The following EBLN1 variants were observed in gnomAD, a reference collection of about 807,000 sequenced individuals.
EBLN1 encodes the protein endogenous Bornavirus like nucleoprotein 1, also known as endogenous Bornavirus-like nucleoprotein 1.
Under a neutral mutation model 0.8 loss-of-function variants are expected in EBLN1, and 1 was observed. The ratio of observed to expected loss-of-function variants is 1.32; its 90% CI spans 0.47 to 6.26. The LOEUF (loss-of-function observed/expected upper bound fraction) is 6.26, where lower values mean the gene tolerates loss of function less well. Among genes scored for constraint, EBLN1 ranks in the 30% most tolerant of loss-of-function variants. The probability of loss-of-function intolerance (pLI) is 0.15; values close to 1 mark genes in which losing one functional copy is unlikely to be tolerated. For missense variants in EBLN1, 396 were observed against 447.9 expected (o/e 0.88, Z 1.05); for synonymous variants, 158 against 158.5 (o/e 1.00, Z 0.02).
rs1834720327 is a variant in EBLN1 at position 22,209,114 on chromosome 10, A to G, written c.870T>C (p.Ile290=). 1.3e-6 allele frequency: 2 copies of G among 1,536,366 alleles called. No individual in the cohort carries two copies. Among genetic ancestry groups the G allele is most frequent in the East Asian group, 2.4e-5 (1 of 40,924 alleles). The part of the protein sequence containing the change: ...EFGGVLRHPV[I]GVLSPQMFPN... ...GGAACATTTGTGGTGATAGCACCCCAATAACAGGGTGGCGAAGTACACCCC... is the reference window on the plus strand; with the variant it reads ...GGAACATTTGTGGTGATAGCACCCCGATAACAGGGTGGCGAAGTACACCCC... Residue 290 remains isoleucine (I), a synonymous_variant, in exon 3 of 3, where the codon ATT becomes ATC. Transcript: ENST00000422359.
chr10:22,214,287 T>A (rs1327342224), intron 1 of EBLN1, among the ~76,000 whole-genome samples: 2 of 150,362 alleles, frequency 1.3e-5, no homozygotes, highest in African/African-American at 2.5e-5. Context: ...GATTTTTGAT[T>A]TTTTGTTTTA....
chr10:22,210,544 T>G (rs945842033), intron 2 of EBLN1, among the ~76,000 whole-genome samples: 5 of 152,230 alleles, frequency 3.3e-5, no homozygotes, highest in African/African-American at 7.2e-5. Flanking sequence ...AGCCTTTTTG[T>G]GTAGCTTCTT....
In EBLN1 at chr10:22,208,910, G is replaced by C. The variant is rs57562594; in HGVS notation, c.1074C>G (p.Arg358=). The change falls in exon 3 of 3, where the codon CGC becomes CGG. Residue 358 remains arginine (R), a synonymous_variant. Coordinates refer to ENST00000422359, the MANE Select transcript of EBLN1 (RefSeq NM_001394757.1). ...ATTCAAATCCCGAAATCCCATAACCGCGAAGGATGTTAAGTGTATATGGAT... is the reference window on the plus strand; with the variant it reads ...ATTCAAATCCCGAAATCCCATAACCCCGAAGGATGTTAAGTGTATATGGAT... ...DMDPYTLNIL[R]GYGISGFE 3 of 1,531,318 alleles carry C rather than the reference G, an allele frequency of 2.0e-6. No individual in the cohort carries two copies. The highest frequency in any genetic ancestry group is 2.7e-5 in the African/African-American group (2 of 72,842). 94.9% of individuals were successfully genotyped at this position (1,531,318 alleles called of 1,614,324 possible).
At position 22,212,908 on chromosome 10, in the gene EBLN1, A is replaced by C. The variant is rs1834765856; in HGVS notation, c.-111T>G. ...CTTGACTCCAGGAGCTCAGAGGTGC[A>C]GTGAGCTATGATCATACCACTGCAC... On this transcript the variant is annotated 5_prime_UTR_variant, in exon 2 of 3. Coordinates refer to ENST00000422359, the MANE Select transcript of EBLN1 (RefSeq NM_001394757.1). Among the ~76,000 whole-genome samples the C allele has an allele frequency of 6.6e-6, 1 of 151,328 alleles. No homozygotes were observed. The highest frequency in any genetic ancestry group is 2.4e-5 in the African/African-American group (1 of 41,120).
Position 22,209,110 on chromosome 10 carries a change from C to G in EBLN1, c.874G>C (p.Val292Leu). Residue 292 changes from valine (V) to leucine (L), a missense_variant, in exon 3 of 3, where the codon GTG becomes CTG. Val to Leu is a conservative substitution (Grantham distance 32). Coordinates refer to ENST00000422359, the MANE Select transcript of EBLN1 (RefSeq NM_001394757.1). Reference protein sequence around the residue: ...GGVLRHPVIGVLSPQMFPNLA... With the variant: ...GGVLRHPVIGLLSPQMFPNLA... ...TTTGGGAACATTTGTGGTGATAGCA[C>G]CCCAATAACAGGGTGGCGAAGTACA... 6.5e-7 allele frequency: 1 copy of G among 1,536,366 alleles called. No individual in the cohort carries two copies. Among genetic ancestry groups the G allele is most frequent in the Non-Finnish European group, 8.7e-7 (1 of 1,146,908 alleles).
At chr10:22,217,219 G>A (rs554948645) in intron 1 of EBLN1, among the ~76,000 whole-genome samples, 18 of 152,290 alleles carry the variant, frequency 1.2e-4, no homozygotes, top group Admixed American at 1.0e-3. Flanking sequence ...TTCGCCTCCT[G>A]GGTTCAAGTG....
At chr10:22,217,156 C>T (rs1385503387) in intron 1 of EBLN1, among the ~76,000 whole-genome samples, 3 of 152,134 alleles carry the variant, frequency 2.0e-5, no homozygotes, top group Admixed American at 1.3e-4. Context: ...GACGGAGTCT[C>T]GCTCTGTTGT....
chr10:22,214,822 C>T (rs1427664747), intron 1 of EBLN1, among the ~76,000 whole-genome samples: 1 of 152,088 alleles, frequency 6.6e-6, no homozygotes, highest in East Asian at 1.9e-4. Context: ...ATGTGTCCAC[C>T]CCAAAACCTG....
In EBLN1 at chr10:22,209,772, T is replaced by A. The variant is rs1302274867; in HGVS notation, c.212A>T (p.His71Leu). 1.3e-6 allele frequency: 2 copies of A among 1,535,778 alleles called. No individual in the cohort carries two copies. Among genetic ancestry groups the A allele is most frequent in the Non-Finnish European group, 1.7e-6 (2 of 1,146,870 alleles). ...KSMLDPAQRS[H>L]FYLVTPSLVF... ...TAAGCTTGGGGTTACAAGGTAAAAA[T>A]GAGATCTCTGTGCTGGGTCTAGCAT... is the stretch of plus-strand genomic sequence containing the variant. Residue 71 changes from histidine (H) to leucine (L), a missense_variant, in exon 3 of 3, where the codon CAT becomes CTT. Transcript: ENST00000422359.
Position 22,210,022 on chromosome 10 carries a change from A to T in EBLN1, c.-39T>A, listed in dbSNP as rs1834735969. On this transcript the variant is annotated 5_prime_UTR_variant, in exon 3 of 3. Coordinates refer to ENST00000422359, the MANE Select transcript of EBLN1 (RefSeq NM_001394757.1). ...TTCTGTGATTTTCACACAATTTTGT[A>T]CTGTACTAAAAAAATATAGAGAATG... 1.5e-6 allele frequency: 2 copies of T among 1,352,304 alleles called. No individual in the cohort carries two copies. Among genetic ancestry groups the T allele is most frequent in the Non-Finnish European group, 1.9e-6 (2 of 1,055,870 alleles). The allele number at this position is 1,352,304 out of a possible 1,614,324, so 83.8% of individuals were successfully genotyped here. A position where few individuals can be genotyped will look rare whatever the true frequency, so the allele number is the denominator to read the frequency against.
Position 22,218,008 on chromosome 10 carries a change from GAAAGAGC to G in EBLN1, c.-268_-262del, listed in dbSNP as rs148003967. The G allele has an allele frequency of 3.3e-5, 5 of 152,378 alleles. No individual in the cohort carries two copies. Among genetic ancestry groups the G allele is most frequent in the Non-Finnish European group, 7.3e-5 (5 of 68,082 alleles). The allele number at this position is 152,378 out of a possible 1,614,324, so 9.4% of individuals were successfully genotyped here. A position where few individuals can be genotyped will look rare whatever the true frequency, so the allele number is the denominator to read the frequency against. On this transcript the variant is annotated 5_prime_UTR_variant, in exon 1 of 3. Coordinates refer to ENST00000422359, the MANE Select transcript of EBLN1 (RefSeq NM_001394757.1). The stretch of plus-strand genomic sequence containing the variant: ...TCCTCACAGGGCAGCAGGACCTAGA[GAAAGAGC>G]AAGGACGAGGGGAACTGCCAGATGC...
At chr10:22,211,854 A>T (rs1834758095) in intron 2 of EBLN1, among the ~76,000 whole-genome samples, 1 of 152,006 alleles carries the variant, frequency 6.6e-6, no homozygotes, top group Admixed American at 6.6e-5. Flanking sequence ...TGAGCATGTG[A>T]GCTTTTCCCT....
rs1834735744 is a variant in EBLN1 at position 22,209,988 on chromosome 10, G to A, written c.-5C>T. ...GTTGTTTCTTGGGCGGGACATTGTGGGTGATTGTTTCTGTGATTTTCACAC... is the reference window on the plus strand; with the variant it reads ...GTTGTTTCTTGGGCGGGACATTGTGAGTGATTGTTTCTGTGATTTTCACAC... On this transcript the variant is annotated 5_prime_UTR_variant, in exon 3 of 3. Transcript: ENST00000422359. 7.2e-7 allele frequency: 1 copy of A among 1,393,016 alleles called. No homozygotes were observed. The highest frequency in any genetic ancestry group is 9.3e-7 in the Non-Finnish European group (1 of 1,076,518). 86.3% of individuals were successfully genotyped at this position (1,393,016 alleles called of 1,614,324 possible). A position where few individuals can be genotyped will look rare whatever the true frequency, so the allele number is the denominator to read the frequency against.
At chr10:22,212,702 T>G (rs1483978024) in intron 2 of EBLN1, among the ~76,000 whole-genome samples, 140 bp downstream of exon 2, 2 of 151,840 alleles carry the variant, frequency 1.3e-5, no homozygotes, top group African/African-American at 4.8e-5. Flanking sequence ...TAATCTTAAG[T>G]GCTTCAGGAA....
chr10:22,212,725 G>A (rs1008002342), intron 2 of EBLN1, among the ~76,000 whole-genome samples, 117 bp downstream of exon 2: 11 of 151,676 alleles, frequency 7.3e-5, no homozygotes, highest in African/African-American at 2.7e-4. Context: ...TAAGGTGGGA[G>A]GATCCCTTCA....
In EBLN1 at chr10:22,209,975, G is replaced by A. The variant is rs1010150039; in HGVS notation, c.9C>T (p.Arg3=). The A allele has an allele frequency of 5.0e-6, 7 of 1,411,096 alleles. No individual in the cohort carries two copies. Among genetic ancestry groups the A allele is most frequent in the East Asian group, 2.5e-5 (1 of 39,914 alleles). The allele number at this position is 1,411,096 out of a possible 1,614,324, so 87.4% of individuals were successfully genotyped here. A position where few individuals can be genotyped will look rare whatever the true frequency, so the allele number is the denominator to read the frequency against. Residue 3 remains arginine, a synonymous_variant, in exon 3 of 3, where the codon CGC becomes CGT. Coordinates refer to ENST00000422359, the MANE Select transcript of EBLN1 (RefSeq NM_001394757.1). MS[R]PRNNPQTSSP... ...TGCTGGTCTGTGGGTTGTTTCTTGG[G>A]CGGGACATTGTGGGTGATTGTTTCT...
At chr10:22,217,440 A>G (rs967169222) in intron 1 of EBLN1, among the ~76,000 whole-genome samples, 1 of 152,260 alleles carries the variant, frequency 6.6e-6, no homozygotes, top group African/African-American at 2.4e-5. Context: ...CTTATGTGCC[A>G]AGAACTTTGG....
intron 1 of EBLN1, among the ~76,000 whole-genome samples, chr10:22,215,501 A>T (rs1440858276): frequency 6.6e-6 from 1 of 152,210 alleles, no homozygotes; most frequent in Admixed American, 6.5e-5. Flanking sequence ...ATAAGGAGAT[A>T]GTATTAATAT....
At position 22,208,928 on chromosome 10, in the gene EBLN1, A is replaced by T; in HGVS notation, c.1056T>A (p.Tyr352Ter). The T allele has an allele frequency of 2.6e-6, 4 of 1,535,726 alleles. No homozygotes were observed. Among genetic ancestry groups the T allele is most frequent in the Non-Finnish European group, 2.6e-6 (3 of 1,146,912 alleles). ...CATAACCGCGAAGGATGTTAAGTGT[A>T]TATGGATCCATGTCACTTCCTCTGG... ...KISRGSDMDP[Y>*]TLNILRGYGI... The change falls in exon 3 of 3, where the codon TAT (tyrosine) becomes TAA (stop). Residue 352 changes from tyrosine (Y) to a stop codon, truncating the protein, a stop_gained. Transcript: ENST00000422359. LOFTEE classifies it high-confidence loss of function.
Sources: gnomAD v4.1 joint callset for allele counts (sites outside exome capture counted in the v4.1 genomes callset) on GRCh38, gnomAD v4.1.1 for gene constraint, MANE v1.5 for transcripts, NCBI Gene and HGNC (gene_info 2026-07-23, HGNC 2026-07-21) for gene names.